GLIS2: variants seen among roughly 807,000 people sequenced by gnomAD.
GLIS2 encodes the protein GLIS family zinc finger 2, also known as zinc finger protein GLIS2.
Under a neutral mutation model 35.6 loss-of-function variants are expected in GLIS2, and 14 were observed. The ratio of observed to expected loss-of-function variants is 0.39; its 90% CI spans 0.26 to 0.61. The LOEUF (loss-of-function observed/expected upper bound fraction) is 0.61. Ranked by LOEUF, GLIS2 falls within the 20% of genes least tolerant of loss-of-function variation. The probability of loss-of-function intolerance (pLI) is 0.48; values close to 1 mark genes in which losing one functional copy is unlikely to be tolerated. For missense variants in GLIS2, 675 were observed against 713.4 expected (o/e 0.95, Z 0.61); for synonymous variants, 368 against 325.1 (o/e 1.13, Z -1.42).
At position 4,337,530 on chromosome 16, in the gene GLIS2, T is replaced by C. The variant is rs2053570791; in HGVS notation, c.*6T>C. On this transcript the variant is annotated 3_prime_UTR_variant, in exon 7 of 7. Coordinates refer to ENST00000433375, the MANE Select transcript of GLIS2 (RefSeq NM_032575.3). ...AACCGGCTGTGGTGAACTGAGCCCA[T>C]CCTGCGGACAGTTGTGGTGCCCCCC... The C allele has an allele frequency of 6.4e-7, 1 of 1,552,402 alleles. No homozygotes were observed. The highest frequency in any genetic ancestry group is 1.2e-5 in the South Asian group (1 of 85,386).
At position 4,318,022 on chromosome 16, in the gene GLIS2, C is replaced by T. The variant is rs534528850; in HGVS notation, c.-67+1768C>T. 5.9e-5 allele frequency among the ~76,000 whole-genome samples: 9 copies of T among 152,250 alleles called. No individual in the cohort carries two copies. In the South Asian group the frequency reaches 1.7e-3, roughly 28 times the overall value. ...GGCCCCCTGGGGAGTTCTCTCCTTG[C>T]TCCTGGCTCTCTACACAGGGACACC... On this transcript the variant is annotated intron_variant, in intron 1 of 6. Transcript: ENST00000433375.
At position 4,320,500 on chromosome 16, in the gene GLIS2, T is replaced by G. The variant is rs1396484203; in HGVS notation, c.-67+4246T>G. Among the ~76,000 whole-genome samples, 1 of 151,810 alleles carries G rather than the reference T, an allele frequency of 6.6e-6. No homozygotes were observed. The highest frequency in any genetic ancestry group is 1.5e-5 in the Non-Finnish European group (1 of 67,978). On this transcript the variant is annotated intron_variant, in intron 1 of 6. Coordinates refer to ENST00000433375, the MANE Select transcript of GLIS2 (RefSeq NM_032575.3). The surrounding 1 kb of genome is among the most constrained non-coding windows in gnomAD (Gnocchi z 5.6). Reference sequence around the variant, plus strand: ...GGGGAAGAACAGAGGGGAACTGGAGTCTGGGGCTGTCTGGCCCTGACCCCT... The same window carrying G: ...GGGGAAGAACAGAGGGGAACTGGAGGCTGGGGCTGTCTGGCCCTGACCCCT...
chr16:4,317,211 G>A (rs1407758987), intron 1 of GLIS2, among the ~76,000 whole-genome samples: 1 of 152,178 alleles, frequency 6.6e-6, no homozygotes, highest in Non-Finnish European at 1.5e-5. Context: ...GAGGGGCCCT[G>A]GGCCCCCAGC....
rs1457520303 is a variant in GLIS2 at position 4,316,226 on chromosome 16, C to T, written c.-95C>T. Among the ~76,000 whole-genome samples the T allele has an allele frequency of 6.9e-6, 1 of 144,642 alleles. No homozygotes were observed. Among genetic ancestry groups the T allele is most frequent in the Non-Finnish European group, 1.5e-5 (1 of 65,070 alleles). The allele number at this position is 144,642 out of a possible 152,430, so 94.9% of individuals were successfully genotyped here. A position where few individuals can be genotyped will look rare whatever the true frequency, so the allele number is the denominator to read the frequency against. On this transcript the variant is annotated 5_prime_UTR_variant, in exon 1 of 7. Transcript: ENST00000433375. ...GCCCCCCGACCGCCGGAGCCCGCAG[C>T]CCGGATCCCGACCGCCCCCGCCGCT...
chr16:4,337,120 G>T lies in GLIS2; in HGVS notation c.1171G>T (p.Gly391Cys), dbSNP rs1358370293. ...LSALACGNGGGSGGGGGMGPG... is the reference protein window; with the variant it reads ...LSALACGNGGCSGGGGGMGPG... ...TGCCCTGGCCTGTGGCAACGGTGGG[G>T]GCAGTGGGGGTGGGGGGGGCATGGG... The change falls in exon 7 of 7, where the codon GGC becomes TGC. Residue 391 changes from glycine to cysteine, a missense_variant. Physicochemically the swap from Gly to Cys is radical, Grantham distance 159 (BLOSUM62 -3). This residue lies in a region of GLIS2 where 317 missense variants were observed against 283.2 expected (regional missense o/e 1.12). Transcript: ENST00000433375. The T allele has an allele frequency of 3.3e-6, 5 of 1,536,206 alleles. No individual in the cohort carries two copies. The highest frequency in any genetic ancestry group is 1.2e-5 in the South Asian group (1 of 83,910).
At position 4,336,711 on chromosome 16, in the gene GLIS2, G is replaced by A. The variant is rs1413931066; in HGVS notation, c.776-14G>A. Reference sequence around the variant, plus strand: ...AGACCCCTCATGGCGGCACTGCACTGCACCACCCTGCAGGTGAGAAGCCCT... The same window carrying A: ...AGACCCCTCATGGCGGCACTGCACTACACCACCCTGCAGGTGAGAAGCCCT... On this transcript the variant is annotated splice_polypyrimidine_tract_variant and intron_variant, in intron 6 of 6. Transcript: ENST00000433375. 1.9e-6 allele frequency: 3 copies of A among 1,584,774 alleles called. No homozygotes were observed. In the East Asian group the frequency reaches 7.0e-5, roughly 37 times the overall value.
intron 1 of GLIS2, among the ~76,000 whole-genome samples, chr16:4,322,576 T>A (rs1377341256): frequency 6.6e-6 from 1 of 152,012 alleles, no homozygotes; most frequent in Non-Finnish European, 1.5e-5. Context: ...TCACCCCATA[T>A]CCATGAGGCT....
At chr16:4,323,370 G>A (rs1005520272) in intron 1 of GLIS2, among the ~76,000 whole-genome samples, 8 of 152,114 alleles carry the variant, frequency 5.3e-5, no homozygotes, top group African/African-American at 1.2e-4. Flanking sequence ...AGGTGCAGGC[G>A]GTGATCATAG....
chr16:4,317,013 C>T (rs1325285262), intron 1 of GLIS2, among the ~76,000 whole-genome samples: 1 of 152,208 alleles, frequency 6.6e-6, no homozygotes, highest in African/African-American at 2.4e-5. Flanking sequence ...GGAATCCAGG[C>T]TGGCACCTGG....
chr16:4,334,668 C>A, intron 3 of GLIS2, 133 bp from the exon 4 acceptor site: 1 of 1,020,904 alleles, frequency 9.8e-7, no homozygotes, highest in Admixed American at 1.9e-5. Context: ...CAAATAAGGC[C>A]ACATGCACAG....
rs775835280 is a variant in GLIS2 at position 4,335,249 on chromosome 16, C to T, written c.657-26C>T. 22 of 1,613,658 alleles carry T rather than the reference C, an allele frequency of 1.4e-5. No homozygotes were observed. The highest frequency in any genetic ancestry group is 1.8e-5 in the Non-Finnish European group (21 of 1,179,996). ...GACTGGGGTCTCCAGTGAGCTGAGC[C>T]GTGCCCCCCGCCCTCCCTGGAGCAG... On this transcript the variant is annotated intron_variant, in intron 5 of 6. Transcript: ENST00000433375. This position sits in a 1 kb window ranked among gnomAD's most constrained non-coding sequence, Gnocchi z 4.6.
In GLIS2 at chr16:4,320,328, G is replaced by A. The variant is rs985116126; in HGVS notation, c.-67+4074G>A. ...GAGCCTCCGGAAAACAGTCCTGCCC[G>A]TCACATGGAGGGTCCCCACCGCTGG... On this transcript the variant is annotated intron_variant, in intron 1 of 6. Coordinates refer to ENST00000433375, the MANE Select transcript of GLIS2 (RefSeq NM_032575.3). The surrounding 1 kb of genome is among the most constrained non-coding windows in gnomAD (Gnocchi z 5.6). Among the ~76,000 whole-genome samples, 4 of 152,122 alleles carry A rather than the reference G, an allele frequency of 2.6e-5. No homozygotes were observed. The highest frequency in any genetic ancestry group is 7.2e-5 in the African/African-American group (3 of 41,424).
Position 4,334,941 on chromosome 16 carries a change from G to A in GLIS2, c.486G>A (p.Leu162=), listed in dbSNP as rs2053534473. The A allele has an allele frequency of 2.5e-6, 4 of 1,613,142 alleles. No homozygotes were observed. The highest frequency in any genetic ancestry group is 2.5e-6 in the Non-Finnish European group (3 of 1,180,024). The part of the protein sequence containing the change: ...PPKDKCLSPD[L]PLPKQLVCRW... ...AGGACAAGTGCCTCTCGCCAGACCT[G>A]CCCCTGCCCAAGCAGCTGGTGTGTC... is the stretch of plus-strand genomic sequence containing the variant. Residue 162 remains leucine (L), a synonymous_variant, in exon 4 of 7, where the codon CTG becomes CTA. Transcript: ENST00000433375.
chr16:4,315,153 G>A (rs1406404782), upstream of GLIS2: 10 of 152,352 alleles, frequency 6.6e-5, no homozygotes, highest in East Asian at 1.9e-4. Context: ...CAAATGCTGG[G>A]ACCAAGCTAG....
Position 4,327,661 on chromosome 16 carries a change from GCGGGGGGCCCGCCCAGCCCACCCTC to G in GLIS2, c.-66-4549_-66-4525del, listed in dbSNP as rs1387303312. On this transcript the variant is annotated intron_variant, in intron 1 of 6. Transcript: ENST00000433375. ...AGCAGCCATTGTCTCGGCCAGGGTGGCGGGGGGCCCGCCCAGCCCACCCTCCGGGTGACCCCCGCCCTGCGGTGGG... is the reference window on the plus strand; with the variant it reads ...AGCAGCCATTGTCTCGGCCAGGGTGGCGGGTGACCCCCGCCCTGCGGTGGG... Among the ~76,000 whole-genome samples the G allele has an allele frequency of 6.8e-4, 103 of 152,014 alleles. 2 individuals carry two copies. The East Asian group carries it at 0.017, about 26-fold the overall frequency.
chr16:4,324,719 G>A (rs1045738046), intron 1 of GLIS2: 1 of 152,280 alleles, frequency 6.6e-6, no homozygotes, highest in Non-Finnish European at 1.5e-5. Flanking sequence ...TGAACGTTAC[G>A]GACGAAGGAG....
intron 6 of GLIS2, chr16:4,336,521 G>A: frequency 3.0e-6 from 2 of 662,808 alleles, no homozygotes; most frequent in Non-Finnish European, 5.5e-6. Context: ...GGCAGAGCTG[G>A]AGTCAACCAG....
intron 1 of GLIS2, among the ~76,000 whole-genome samples, chr16:4,318,420 T>C (rs1434133132): frequency 6.6e-6 from 1 of 152,098 alleles, no homozygotes; most frequent in Admixed American, 6.5e-5. Flanking sequence ...TATCCGAGGG[T>C]GGAGCCCGGA....
chr16:4,331,401 C>T (rs2053494701), intron 1 of GLIS2: 1 of 152,202 alleles, frequency 6.6e-6, no homozygotes, highest in Non-Finnish European at 1.5e-5. Context: ...TTCAGTTAGT[C>T]TATAATCTAT....
Sources: allele counts gnomAD v4.1 joint callset (sites outside exome capture counted in the v4.1 genomes callset), GRCh38; gene constraint gnomAD v4.1.1; regional missense constraint gnomAD v4.1.1; non-coding constraint Gnocchi (gnomAD v3.1); transcripts MANE v1.5; gene names NCBI Gene and HGNC (gene_info 2026-07-23, HGNC 2026-07-21).